Variants in SLC24A2 observed in about 807,000 individuals in gnomAD.
SLC24A2 encodes the protein sodium/potassium/calcium exchanger 2.
In SLC24A2, 36 loss-of-function variants were observed where a neutral mutation model predicts 62.0. That is an observed-to-expected ratio of 0.58 (90% CI 0.44 to 0.77). The LOEUF (loss-of-function observed/expected upper bound fraction) is 0.77. Ranked by LOEUF, SLC24A2 falls within the 30% of genes least tolerant of loss-of-function variation. The pLI is 0.00. For missense variants in SLC24A2, 846 were observed against 817.9 expected (o/e 1.03, Z -0.42); for synonymous variants, 358 against 294.0 (o/e 1.22, Z -2.23).
At chr9:20,073,361 T>C in the SLC24A2 span, among the ~76,000 whole-genome samples, 1 of 152,334 alleles carries the variant, frequency 6.6e-6, no homozygotes, top group Admixed American at 6.5e-5. Flanking sequence ...CCACTCAGAA[T>C]AATGTCTCTT....
At chr9:20,171,490 C>G in the SLC24A2 span, among the ~76,000 whole-genome samples, 2 of 151,964 alleles carry the variant, frequency 1.3e-5, no homozygotes, top group African/African-American at 2.4e-5. Flanking sequence ...CACATAAGGA[C>G]TCACATAAAC....
the SLC24A2 span, among the ~76,000 whole-genome samples, chr9:20,014,274 C>T: frequency 6.6e-6 from 1 of 152,056 alleles, no homozygotes; most frequent in African/African-American, 2.4e-5. Context: ...TTCTTACATG[C>T]TGTTGGTGGG....
chr9:20,173,696 T>G, the SLC24A2 span, among the ~76,000 whole-genome samples: 1 of 151,978 alleles, frequency 6.6e-6, no homozygotes, highest in African/African-American at 2.4e-5. Flanking sequence ...AAATAAATCA[T>G]AGAACACACA....
intron 2 of SLC24A2, among the ~76,000 whole-genome samples, chr9:19,766,921 C>T (rs1269226917): frequency 1.3e-5 from 2 of 152,108 alleles, no homozygotes; most frequent in Non-Finnish European, 2.9e-5. Flanking sequence ...GTGCTCTGCC[C>T]CAGGGAGATG....
At chr9:20,055,804 G>A in the SLC24A2 span, among the ~76,000 whole-genome samples, 9 of 151,972 alleles carry the variant, frequency 5.9e-5, no homozygotes, top group Non-Finnish European at 1.2e-4. Context: ...CAGGAGAATC[G>A]CTTGAACCCA....
At chr9:19,528,003 G>T in intron 9 of SLC24A2, 46 bp downstream of exon 9, 1 of 1,154,956 alleles carries the variant, frequency 8.7e-7, no homozygotes, top group Non-Finnish European at 1.3e-6. Context: ...TGACAATCAG[G>T]ACTGGAGAAA....
the SLC24A2 span, among the ~76,000 whole-genome samples, chr9:20,271,984 A>C: frequency 3.3e-5 from 5 of 152,140 alleles, no homozygotes; most frequent in Admixed American, 3.3e-4. Context: ...GAAAGGTTAA[A>C]CTATTAGATC....
chr9:19,740,037 A>G (rs1821625777), intron 2 of SLC24A2, among the ~76,000 whole-genome samples: 1 of 152,214 alleles, frequency 6.6e-6, no homozygotes, highest in Non-Finnish European at 1.5e-5. Context: ...CAAAGTGACA[A>G]TGGGGTACCA....
intron 7 of SLC24A2, among the ~76,000 whole-genome samples, chr9:19,567,000 T>C (rs1835678278): frequency 1.3e-5 from 2 of 149,888 alleles, no homozygotes; most frequent in Non-Finnish European, 2.9e-5. Flanking sequence ...AGGAGATATA[T>C]CTAATGTAAA....
chr9:20,300,096 G>C, the SLC24A2 span, among the ~76,000 whole-genome samples: 1 of 152,190 alleles, frequency 6.6e-6, no homozygotes, highest in African/African-American at 2.4e-5. Flanking sequence ...GATGATGGTT[G>C]GATAGATGGG....
At chr9:20,288,500 G>T in the SLC24A2 span, among the ~76,000 whole-genome samples, 1 of 152,164 alleles carries the variant, frequency 6.6e-6, no homozygotes, top group Non-Finnish European at 1.5e-5. Flanking sequence ...CAGGTGCGGT[G>T]ACTCATGCCT....
upstream of SLC24A2, among the ~76,000 whole-genome samples, chr9:19,791,013 G>T (rs969310223): frequency 2.6e-5 from 4 of 152,148 alleles, no homozygotes; most frequent in African/African-American, 9.7e-5. Context: ...TATTGGCTGG[G>T]ATTTGCACTT....
chr9:20,210,930 G>C, the SLC24A2 span, among the ~76,000 whole-genome samples: 1 of 152,000 alleles, frequency 6.6e-6, no homozygotes, highest in Admixed American at 6.6e-5. Flanking sequence ...CCCGCTTCAG[G>C]TCTACCTTAG....
the SLC24A2 span, among the ~76,000 whole-genome samples, chr9:19,894,692 C>A: frequency 6.6e-6 from 1 of 152,120 alleles, no homozygotes; most frequent in South Asian, 2.1e-4. Context: ...AGAGAGAAAA[C>A]AGAAAAGACA....
chr9:19,636,304 CT>C lies in SLC24A2; in HGVS notation c.931-14006del, dbSNP rs1337365576. On this transcript the variant is annotated intron_variant, in intron 2 of 10. Coordinates refer to ENST00000341998, the MANE Select transcript of SLC24A2 (RefSeq NM_020344.4). Reference sequence around the variant, plus strand: ...TTCTTCTCTTCTTTTCTTTTCTTTTCTTTTCTTTTCTTTTCTTTCTTTCTTT... The same window carrying C: ...TTCTTCTCTTCTTTTCTTTTCTTTTCTTTCTTTTCTTTTCTTTCTTTCTTT... Among the ~76,000 whole-genome samples, 69 of 42,526 alleles carry C rather than the reference CT, an allele frequency of 1.6e-3. 6 individuals carry two copies. The highest frequency in any genetic ancestry group is 3.6e-3 in the African/African-American group (36 of 10,040). The allele number at this position is 42,526 out of a possible 152,430, so 27.9% of individuals were successfully genotyped here.
the SLC24A2 span, among the ~76,000 whole-genome samples, chr9:19,942,840 G>T: frequency 6.6e-6 from 1 of 152,128 alleles, no homozygotes; most frequent in African/African-American, 2.4e-5. Context: ...GATGTTTATT[G>T]TGTAGCCTAC....
the SLC24A2 span, among the ~76,000 whole-genome samples, chr9:20,140,263 G>A: frequency 1.3e-5 from 2 of 152,128 alleles, no homozygotes; most frequent in African/African-American, 4.8e-5. Flanking sequence ...TGTGGGGGAG[G>A]GAGGCAGATC....
intron 2 of SLC24A2, among the ~76,000 whole-genome samples, chr9:19,634,915 A>G (rs1490166460): frequency 6.6e-6 from 1 of 152,236 alleles, no homozygotes; most frequent in Non-Finnish European, 1.5e-5. Flanking sequence ...GAGATCTACC[A>G]TTAAGTAAGG....
At chr9:20,260,399 A>G in the SLC24A2 span, among the ~76,000 whole-genome samples, 1 of 152,218 alleles carries the variant, frequency 6.6e-6, no homozygotes, top group Non-Finnish European at 1.5e-5. Flanking sequence ...TCCAAAAGAA[A>G]ACTACTAATT....
Sources: gnomAD v4.1 joint callset for allele counts (sites outside exome capture counted in the v4.1 genomes callset) on GRCh38, gnomAD v4.1.1 for gene constraint, MANE v1.5 for transcripts, NCBI Gene and HGNC (gene_info 2026-07-23, HGNC 2026-07-21) for gene names.